Variants in CBFA2T3 observed in about 807,000 individuals in gnomAD.
The protein encoded by CBFA2T3 is transcriptional corepressor CBFA2T3.
CBFA2T3 carries 31 observed loss-of-function variants against 58.6 expected under a neutral mutation model. The observed-to-expected ratio is 0.53, with a 90% confidence interval of 0.40 to 0.71. The LOEUF is 0.71. CBFA2T3 is among the 30% of genes least tolerant of loss of function. The pLI is 0.00. For synonymous variants in CBFA2T3, 531 were observed against 421.9 expected (o/e 1.26, Z -3.17); for missense variants, 1,076 against 963.1 (o/e 1.12, Z -1.55).
chr16:88,905,180 G>C (rs1479298853), intron 1 of CBFA2T3, among the ~76,000 whole-genome samples: 1 of 152,106 alleles, frequency 6.6e-6, no homozygotes, highest in Non-Finnish European at 1.5e-5. Flanking sequence ...CACAGCAGCA[G>C]CTGGCGCCGT....
At chr16:88,975,919 G>C (rs563131707) in intron 1 of CBFA2T3, among the ~76,000 whole-genome samples, 1 of 152,262 alleles carries the variant, frequency 6.6e-6, no homozygotes, top group Non-Finnish European at 1.5e-5. Flanking sequence ...GGGAGACTGT[G>C]AGCTCCTGAA....
chr16:88,920,322 G>A (rs1467451092), intron 1 of CBFA2T3, among the ~76,000 whole-genome samples: 1 of 152,192 alleles, frequency 6.6e-6, no homozygotes, highest in African/African-American at 2.4e-5. Context: ...TGTCACCCAG[G>A]CTGAAGTGCA....
intron 1 of CBFA2T3, among the ~76,000 whole-genome samples, chr16:88,959,610 G>A (rs1229015233): frequency 6.6e-6 from 1 of 152,190 alleles, no homozygotes; most frequent in Non-Finnish European, 1.5e-5. Context: ...GGGAACCCAG[G>A]TGCAGGAGAG....
In CBFA2T3 at chr16:88,919,674, G is replaced by A. The variant is rs138866990; in HGVS notation, c.152-18018C>T. ...AGAGCAGCCTCTCCGCGGAGTCCCC[G>A]GGCGGGACCCCAGTTACTTCTGAGC... On this transcript the variant is annotated intron_variant, in intron 1 of 11. Transcript: ENST00000268679. Among the ~76,000 whole-genome samples the A allele has an allele frequency of 9.2e-5, 14 of 152,246 alleles. No individual in the cohort carries two copies. The East Asian group carries it at 2.5e-3, about 27-fold the overall frequency.
At chr16:88,945,812 T>C (rs1266607209) in intron 1 of CBFA2T3, among the ~76,000 whole-genome samples, 1 of 152,240 alleles carries the variant, frequency 6.6e-6, no homozygotes, top group African/African-American at 2.4e-5. Context: ...TTCACGTTTC[T>C]TGGTATTTAC....
intron 1 of CBFA2T3, among the ~76,000 whole-genome samples, chr16:88,936,373 C>T (rs532197579): frequency 3.3e-5 from 5 of 152,310 alleles, no homozygotes; most frequent in East Asian, 1.9e-4. Flanking sequence ...CCTCCTGCCA[C>T]GTCCACCATG....
chr16:88,943,184 G>A (rs1400259872), intron 1 of CBFA2T3, among the ~76,000 whole-genome samples: 3 of 152,232 alleles, frequency 2.0e-5, no homozygotes, highest in South Asian at 2.1e-4. Context: ...ATTCAGCAGC[G>A]AACCACCCTG....
chr16:88,955,920 G>C (rs1303646049), intron 1 of CBFA2T3, among the ~76,000 whole-genome samples: 12 of 117,954 alleles, frequency 1.0e-4, no homozygotes, highest in Non-Finnish European at 1.4e-4. Context: ...CCTGACCCCA[G>C]CCAAGGCTCC....
chr16:88,971,693 C>G (rs1972659727), intron 1 of CBFA2T3, among the ~76,000 whole-genome samples: 1 of 152,236 alleles, frequency 6.6e-6, no homozygotes, highest in African/African-American at 2.4e-5. Context: ...GGAGTTCCTT[C>G]AAAGGGTGGG....
At chr16:88,913,783 G>C (rs1970602475) in intron 1 of CBFA2T3, among the ~76,000 whole-genome samples, 1 of 152,242 alleles carries the variant, frequency 6.6e-6, no homozygotes. Context: ...TGACTCCTCA[G>C]AGAGGGCTGG....
At chr16:88,887,642 C>T (rs1269869674) in intron 5 of CBFA2T3, among the ~76,000 whole-genome samples, 2 of 152,148 alleles carry the variant, frequency 1.3e-5, no homozygotes, top group African/African-American at 4.8e-5. Flanking sequence ...TCCTCAAGGC[C>T]TGCGGAATGG....
intron 1 of CBFA2T3, among the ~76,000 whole-genome samples, chr16:88,910,814 G>A (rs1408450170): frequency 5.3e-5 from 8 of 152,306 alleles, no homozygotes; most frequent in Non-Finnish European, 1.2e-4. Context: ...CTTCTTGGCA[G>A]GCTCTAGGAC....
intron 11 of CBFA2T3, among the ~76,000 whole-genome samples, chr16:88,878,242 A>C (rs1041608392): frequency 5.1e-4 from 78 of 152,200 alleles, no homozygotes; most frequent in Non-Finnish European, 1.8e-4. Context: ...TTTCCTTCTC[A>C]GTGCCAGCTC....
chr16:88,881,366 C>A lies in CBFA2T3; in HGVS notation c.1327G>T (p.Asp443Tyr), dbSNP rs760401870. The change falls in exon 9 of 12, where the codon GAC becomes TAC. Residue 443 changes from aspartate to tyrosine, a missense_variant. Asp to Tyr is a radical substitution (Grantham distance 160, BLOSUM62 -3). Coordinates refer to ENST00000268679, the MANE Select transcript of CBFA2T3 (RefSeq NM_005187.6). ...GCGGGAGCGGGGCCCTTCTTTGTGT[C>A]CTCGGCGTCGCTGTAGCGCCGCGCC... is the stretch of plus-strand genomic sequence containing the variant. ...HWARRYSDAE[D>Y]TKKGPAPAAA... 5.7e-6 allele frequency: 9 copies of A among 1,587,372 alleles called. No individual in the cohort carries two copies. The highest frequency in any genetic ancestry group is 1.3e-5 in the African/African-American group (1 of 74,368).
At chr16:88,884,591 C>T (rs1969280536) in intron 7 of CBFA2T3, 1 of 158,832 alleles carries the variant, frequency 6.3e-6, no homozygotes, top group Non-Finnish European at 1.4e-5. Context: ...TGGCCTCACG[C>T]AGAGACTCTG....
intron 5 of CBFA2T3, among the ~76,000 whole-genome samples, chr16:88,887,969 C>T (rs1969448950): frequency 6.6e-6 from 1 of 152,188 alleles, no homozygotes; most frequent in Non-Finnish European, 1.5e-5. Context: ...GCCTCCCTGA[C>T]CGTGGGCTCT....
At chr16:88,891,605 C>T (rs371870586) in intron 5 of CBFA2T3, among the ~76,000 whole-genome samples, 91 of 152,334 alleles carry the variant, frequency 6.0e-4, no homozygotes, top group African/African-American at 1.9e-3. Flanking sequence ...CAGCTCTGTC[C>T]TGTGCTGGAT....
intron 7 of CBFA2T3, 71 bp from the exon 8 acceptor site, chr16:88,882,832 C>A: frequency 1.9e-6 from 2 of 1,045,302 alleles, no homozygotes; most frequent in Non-Finnish European, 1.4e-6. Context: ...CCAGACCCCG[C>A]CCTCTGCTCC....
intron 1 of CBFA2T3, among the ~76,000 whole-genome samples, chr16:88,954,253 T>C (rs1313744289): frequency 5.9e-5 from 9 of 152,038 alleles, no homozygotes; most frequent in African/African-American, 2.2e-4. Flanking sequence ...CGGCCACCCA[T>C]CTACTCTGAC....
Sources: gnomAD v4.1 joint callset for allele counts (sites outside exome capture counted in the v4.1 genomes callset) on GRCh38, gnomAD v4.1.1 for gene constraint, MANE v1.5 for transcripts, NCBI Gene and HGNC (gene_info 2026-07-23, HGNC 2026-07-21) for gene names.